Variants in CEP290 observed in about 807,000 individuals in gnomAD.
CEP290 encodes centrosomal protein 290.
A neutral mutation model predicts 344.9 loss-of-function variants in CEP290; 317 were observed. The observed-to-expected ratio is 0.92, with a 90% CI of 0.84 to 1.01. The LOEUF is 1.01. CEP290 is among the 50% of genes least tolerant of loss of function. The probability of loss-of-function intolerance (pLI) is 0.00; values close to 1 mark genes in which losing one functional copy is unlikely to be tolerated. For synonymous variants in CEP290, 932 were observed against 895.8 expected, an observed-to-expected ratio of 1.04 and a Z score of -0.72; for missense variants, 2,754 against 2,761.4, an observed-to-expected ratio of 1.00 and a Z score of 0.06.
intron 6 of CEP290, among the ~76,000 whole-genome samples, chr12:88,134,309 A>C (rs2040238971): frequency 6.6e-6 from 1 of 152,148 alleles, no homozygotes; most frequent in Non-Finnish European, 1.5e-5. Context: ...ATCCAATTAC[A>C]TCTACTTCTC....
At chr12:88,096,683 A>G (rs2037457114) in intron 27 of CEP290, among the ~76,000 whole-genome samples, 1 of 152,176 alleles carries the variant, frequency 6.6e-6, no homozygotes, top group Non-Finnish European at 1.5e-5. Context: ...TTAGAAACAA[A>G]TCTAACTTAA....
intron 6 of CEP290, among the ~76,000 whole-genome samples, chr12:88,131,991 T>C (rs1248821993): frequency 6.6e-6 from 1 of 152,186 alleles, no homozygotes; most frequent in African/African-American, 2.4e-5. Context: ...ATCAACCAAT[T>C]TCTAGTAAAG....
intron 52 of CEP290, among the ~76,000 whole-genome samples, chr12:88,050,745 TA>T (rs1209146450): frequency 1.3e-5 from 2 of 152,164 alleles, no homozygotes; most frequent in Non-Finnish European, 2.9e-5. Flanking sequence ...TGTTAGGTAC[TA>T]AAAGTACAAC....
chr12:88,134,971 C>T (rs1050428065), intron 6 of CEP290, among the ~76,000 whole-genome samples: 22 of 152,250 alleles, frequency 1.4e-4, no homozygotes, highest in Middle Eastern at 6.8e-3. Context: ...TTACAGATCA[C>T]ATCCTGCACC....
At chr12:88,121,817 G>T (rs759415670) in intron 13 of CEP290, among the ~76,000 whole-genome samples, 1 of 151,908 alleles carries the variant, frequency 6.6e-6, no homozygotes, top group African/African-American at 2.4e-5. Flanking sequence ...TGCCCTAGTT[G>T]CTTCAACTTT....
chr12:88,119,310 T>C (rs1052656832), intron 15 of CEP290, among the ~76,000 whole-genome samples: 1 of 152,206 alleles, frequency 6.6e-6, no homozygotes, highest in African/African-American at 2.4e-5. Flanking sequence ...TATTTAGATA[T>C]TTATTTTCAT....
rs922084791 is a variant in CEP290, at chr12:88,086,701, G to A, written c.4195-203C>T. ...AGGCAGATGTGAAGTAAGGATTTCA[G>A]TCTATCCATCCATCCATCCATCCAT... On this transcript the variant is annotated intron_variant, in intron 32 of 53. Coordinates refer to ENST00000552810, the MANE Select transcript of CEP290 (RefSeq NM_025114.4). Among the ~76,000 whole-genome samples the A allele has an allele frequency of 1.5e-4, 4 of 26,006 alleles. No individual in the cohort carries two copies. In the East Asian group the frequency reaches 0.013, roughly 82 times the overall value. The allele number at this position is 26,006 out of a possible 152,430, so 17.1% of individuals were successfully genotyped here. A position where few individuals can be genotyped will look rare whatever the true frequency, so the allele number is the denominator to read the frequency against.
chr12:88,129,108 T>C, intron 10 of CEP290, 73 bp from the exon 11 acceptor site: 1 of 679,306 alleles, frequency 1.5e-6, no homozygotes, highest in South Asian at 2.6e-5. Context: ...CATATTTACA[T>C]ATACATTATA....
chr12:88,074,625 G>A (rs1189254289), intron 41 of CEP290, among the ~76,000 whole-genome samples: 1 of 152,170 alleles, frequency 6.6e-6, no homozygotes, highest in East Asian at 1.9e-4. Flanking sequence ...TCAGAAAAGA[G>A]TCTCTCTGAC....
At position 88,139,128 on chromosome 12, in the gene CEP290, A is replaced by T; in HGVS notation, c.297+17T>A. 1.7e-6 allele frequency: 2 copies of T among 1,154,972 alleles called. No homozygotes were observed. The highest frequency in any genetic ancestry group is 3.0e-5 in the South Asian group (2 of 65,878). The allele number at this position is 1,154,972 out of a possible 1,614,324, so 71.5% of individuals were successfully genotyped here. A position where few individuals can be genotyped will look rare whatever the true frequency, so the allele number is the denominator to read the frequency against. Reference sequence around the variant, plus strand: ...AATTAATGACAATTACATCCTAGGGAATACAAAAAGACATACCTCCAGTTC... The same window carrying T: ...AATTAATGACAATTACATCCTAGGGTATACAAAAAGACATACCTCCAGTTC... On this transcript the variant is annotated intron_variant, in intron 5 of 53. Coordinates refer to ENST00000552810, the MANE Select transcript of CEP290 (RefSeq NM_025114.4).
At chr12:88,085,024 G>C (rs2036474770) in intron 34 of CEP290, among the ~76,000 whole-genome samples, 172 bp from the exon 35 acceptor site, 1 of 151,990 alleles carries the variant, frequency 6.6e-6, no homozygotes, top group African/African-American at 2.4e-5. Context: ...CTAATTGACA[G>C]CAGTTATTTG....
chr12:88,114,615 A>G (rs774206602), intron 19 of CEP290, 53 bp from the exon 20 acceptor site: 296 of 1,338,032 alleles, frequency 2.2e-4, no homozygotes, highest in Non-Finnish European at 2.7e-4. Context: ...CACAATTTAC[A>G]CTATGCTATA....
chr12:88,057,384 G>T (rs2034095366), intron 49 of CEP290, among the ~76,000 whole-genome samples: 1 of 152,128 alleles, frequency 6.6e-6, no homozygotes, highest in Admixed American at 6.5e-5. Flanking sequence ...TGAATAAATA[G>T]ATTTCAGAGT....
At chr12:88,133,964 A>T (rs2040219103) in intron 6 of CEP290, among the ~76,000 whole-genome samples, 2 of 151,930 alleles carry the variant, frequency 1.3e-5, no homozygotes, top group South Asian at 4.2e-4. Flanking sequence ...TCCTTGAAGC[A>T]CTCTTCCTAT....
chr12:88,132,076 T>C (rs373177305), intron 6 of CEP290, among the ~76,000 whole-genome samples: 1 of 152,204 alleles, frequency 6.6e-6, no homozygotes, highest in Non-Finnish European at 1.5e-5. Context: ...ACAAGAAGCA[T>C]ACAGAGTTCT....
Position 88,083,187 on chromosome 12 carries a change from T to C in CEP290, c.4856A>G (p.His1619Arg). 6.5e-7 allele frequency: 1 copy of C among 1,529,412 alleles called. No homozygotes were observed. The highest frequency in any genetic ancestry group is 8.8e-7 in the Non-Finnish European group (1 of 1,141,894). 94.7% of individuals were successfully genotyped at this position (1,529,412 alleles called of 1,614,324 possible). A position where few individuals can be genotyped will look rare whatever the true frequency, so the allele number is the denominator to read the frequency against. Residue 1619 changes from histidine to arginine, a missense_variant, in exon 37 of 54, where the codon CAT becomes CGT. By Grantham distance (29) the His-to-Arg change is conservative. Transcript: ENST00000552810. ...QSPTPVPTNK[H>R]FIRLAEMEQT... ...TTCCATCTCAGCCAGACGAATAAAA[T>C]GCTTGTTGGTAGGAACTGGAGTGGG...
At chr12:88,120,973 G>T in intron 14 of CEP290, 24 bp downstream of exon 14, 1 of 1,593,586 alleles carries the variant, frequency 6.3e-7, no homozygotes, top group Non-Finnish European at 8.5e-7. Flanking sequence ...TAAGCTCCTT[G>T]AATGACAAGA....
At chr12:88,138,254 A>G (rs1444720643) in intron 5 of CEP290, among the ~76,000 whole-genome samples, 1 of 152,112 alleles carries the variant, frequency 6.6e-6, no homozygotes, top group Non-Finnish European at 1.5e-5. Context: ...CATAATCATC[A>G]CTTCAACCAC....
At chr12:88,111,888 G>A (rs758043013) in intron 20 of CEP290, 30 bp from the exon 21 acceptor site, 11 of 1,417,894 alleles carry the variant, frequency 7.8e-6, no homozygotes, top group South Asian at 1.6e-5. Flanking sequence ...TATTAGAAAT[G>A]TGGAGAAAAA....
Sources: gnomAD v4.1 joint callset for allele counts (sites outside exome capture counted in the v4.1 genomes callset) on GRCh38, gnomAD v4.1.1 for gene constraint, MANE v1.5 for transcripts, NCBI Gene and HGNC (gene_info 2026-07-23, HGNC 2026-07-21) for gene names.